Variants in MRPL27 observed in about 807,000 individuals in gnomAD.
MRPL27 encodes the protein large ribosomal subunit protein bL27m.
A neutral mutation model predicts 14.6 loss-of-function variants in MRPL27; 4 were observed. The ratio of observed to expected loss-of-function variants is 0.27; its 90% CI spans 0.14 to 0.63. MRPL27 has a LOEUF of 0.63. Among genes scored for constraint, MRPL27 ranks in the 20% least tolerant of loss-of-function variants. The pLI is 0.85. For missense variants in MRPL27, 196 were observed against 192.8 expected (o/e 1.02, Z -0.10); for synonymous variants, 82 against 75.5 (o/e 1.09, Z -0.45).
At chr17:50,370,235 C>G (rs1913090718) in intron 2 of MRPL27, 136 bp from the exon 3 acceptor site, 1 of 1,136,650 alleles carries the variant, frequency 8.8e-7, no homozygotes, top group Admixed American at 2.4e-5. Flanking sequence ...ACAAGCAGCG[C>G]AGGATCTGCC....
At position 50,372,927 on chromosome 17, in the gene MRPL27, G is replaced by C. The variant is rs965024380; in HGVS notation, c.40+204C>G. 3 of 659,738 alleles carry C rather than the reference G, an allele frequency of 4.5e-6. No homozygotes were observed. The South Asian group carries it at 5.8e-5, about 13-fold the overall frequency. 40.9% of individuals were successfully genotyped at this position (659,738 alleles called of 1,614,324 possible). On this transcript the variant is annotated intron_variant, in intron 1 of 3. Transcript: ENST00000225969. ...TGCTGCTGAGGCAGGAGAAAGACAA[G>C]TGCTCTTCAAACGCCCTCACTCACG...
chr17:50,369,739 A>G (rs1913070355), intron 3 of MRPL27: 1 of 452,878 alleles, frequency 2.2e-6, no homozygotes, highest in Non-Finnish European at 3.9e-6. Flanking sequence ...AAGGAGAACC[A>G]AGAATACCAG....
Position 50,368,058 on chromosome 17 carries a change from G to C in MRPL27, c.*34C>G. Reference sequence around the variant, plus strand: ...GGTATCACCATCTCCTGTCACCTGGGCTCCAGTCTCTGTCCGATGGCCTCA... The same window carrying C: ...GGTATCACCATCTCCTGTCACCTGGCCTCCAGTCTCTGTCCGATGGCCTCA... On this transcript the variant is annotated 3_prime_UTR_variant, in exon 4 of 4. Transcript: ENST00000225969. 2 of 1,610,498 alleles carry C rather than the reference G, an allele frequency of 1.2e-6. No homozygotes were observed. Among genetic ancestry groups the C allele is most frequent in the Non-Finnish European group, 1.7e-6 (2 of 1,177,104 alleles).
At position 50,372,327 on chromosome 17, in the gene MRPL27, C is replaced by T. The variant is rs530370591; in HGVS notation, c.40+804G>A. Among the ~76,000 whole-genome samples, 4 of 152,106 alleles carry T rather than the reference C, an allele frequency of 2.6e-5. No homozygotes were observed. In the East Asian group the frequency reaches 7.7e-4, roughly 29 times the overall value. On this transcript the variant is annotated intron_variant, in intron 1 of 3. Coordinates refer to ENST00000225969, the MANE Select transcript of MRPL27 (RefSeq NM_016504.3). Reference sequence around the variant, plus strand: ...GTGGTATGAACATAGCTCACTGCAACCTCGACCTCCCGAGCTCAGGTGATC... The same window carrying T: ...GTGGTATGAACATAGCTCACTGCAATCTCGACCTCCCGAGCTCAGGTGATC...
intron 3 of MRPL27, chr17:50,368,918 C>T: frequency 1.4e-6 from 1 of 690,266 alleles, no homozygotes. Flanking sequence ...GTTGTATATA[C>T]AGTTTTTAAC....
At chr17:50,368,946 T>G in intron 3 of MRPL27, 1 of 688,788 alleles carries the variant, frequency 1.5e-6, no homozygotes, top group Non-Finnish European at 2.6e-6. Flanking sequence ...TTTAGCTTTT[T>G]CTTTTAGAAC....
chr17:50,368,962 G>A, intron 3 of MRPL27: 1 of 677,288 alleles, frequency 1.5e-6, no homozygotes, highest in Non-Finnish European at 2.7e-6. Flanking sequence ...AGAACTTCAG[G>A]CTGGGTGTGT....
chr17:50,372,002 T>C (rs376018823), intron 1 of MRPL27, among the ~76,000 whole-genome samples: 1 of 152,218 alleles, frequency 6.6e-6, no homozygotes, highest in Non-Finnish European at 1.5e-5. Context: ...GCAAGCTCTG[T>C]GGATGCTAAC....
rs1317865412 is a variant in MRPL27 at position 50,370,690 on chromosome 17, CTG to C, written c.41-106_41-105del. The C allele has an allele frequency of 2.0e-6, 3 of 1,516,258 alleles. No individual in the cohort carries two copies. The East Asian group carries it at 6.9e-5, about 35-fold the overall frequency. 93.9% of individuals were successfully genotyped at this position (1,516,258 alleles called of 1,614,324 possible). ...GAGAGGCGGTGGGGAGATGAGAAAG[CTG>C]TGTCAGGGGAGCAGAAGTGCCACTG... is the stretch of plus-strand genomic sequence containing the variant. On this transcript the variant is annotated intron_variant, in intron 1 of 3. Transcript: ENST00000225969.
rs751840731 is a variant in MRPL27, at chr17:50,370,142, A to G, written c.173-43T>C. On this transcript the variant is annotated intron_variant, in intron 2 of 3. Coordinates refer to ENST00000225969, the MANE Select transcript of MRPL27 (RefSeq NM_016504.3). The stretch of plus-strand genomic sequence containing the variant: ...AGTGACTGGGGCAGCATAGCAAACT[A>G]CCAAGAAAACATGATGGCCCAAATG... 6.4e-6 allele frequency: 10 copies of G among 1,560,074 alleles called. No homozygotes were observed. The South Asian group carries it at 1.0e-4, about 16-fold the overall frequency.
intron 3 of MRPL27, chr17:50,368,896 A>T (rs1913043788): frequency 1.4e-6 from 1 of 701,994 alleles, no homozygotes; most frequent in Non-Finnish European, 2.6e-6. Flanking sequence ...TGAAGCAGAG[A>T]GATTAAACTG....
intron 1 of MRPL27, chr17:50,372,814 A>AT (rs148262545): frequency 0.023 from 9,566 of 415,164 alleles, 842 homozygotes; most frequent in African/African-American, 0.18. Context: ...CAATAGATTA[A>AT]TTTTTTCAAC....
intron 1 of MRPL27, among the ~76,000 whole-genome samples, chr17:50,372,326 A>G (rs4793652): frequency 1 from 151,712 of 151,712 alleles, 75,856 homozygotes; most frequent in Non-Finnish European, 1. Context: ...GCTCACTGCA[A>G]CCTCGACCTC....
chr17:50,372,002 T>G (rs376018823), intron 1 of MRPL27, among the ~76,000 whole-genome samples: 35 of 152,336 alleles, frequency 2.3e-4, no homozygotes, highest in African/African-American at 8.4e-4. Context: ...GCAAGCTCTG[T>G]GGATGCTAAC....
rs563856169 is a variant in MRPL27, at chr17:50,368,849, G to C, written c.241-551C>G. Reference sequence around the variant, plus strand: ...CATTTAATTCTCACCTAGTGAAAGAGGTATTATTTCCAACGCCACTTTTCA... The same window carrying C: ...CATTTAATTCTCACCTAGTGAAAGACGTATTATTTCCAACGCCACTTTTCA... On this transcript the variant is annotated intron_variant, in intron 3 of 3. Transcript: ENST00000225969. 1.6e-4 allele frequency: 111 copies of C among 702,348 alleles called. No homozygotes were observed. In the South Asian group the frequency reaches 1.6e-3, roughly 10 times the overall value. The allele number at this position is 702,348 out of a possible 1,614,324, so 43.5% of individuals were successfully genotyped here. A position where few individuals can be genotyped will look rare whatever the true frequency, so the allele number is the denominator to read the frequency against.
At chr17:50,369,218 CAAA>C in intron 3 of MRPL27, 1 of 245,646 alleles carries the variant, frequency 4.1e-6, no homozygotes, top group Non-Finnish European at 7.8e-6. Context: ...CTGTCTAGCT[CAAA>C]ATGTGTTAGC....
rs1384578497 is a variant in MRPL27, at chr17:50,368,192, A to G, written c.347T>C (p.Leu116Pro). 1.2e-6 allele frequency: 2 copies of G among 1,614,258 alleles called. No homozygotes were observed. Among genetic ancestry groups the G allele is most frequent in the Admixed American group, 3.3e-5 (2 of 60,028 alleles). Residue 116 changes from leucine to proline, a missense_variant, in exon 4 of 4, where the codon CTG becomes CCG. Leu to Pro is a moderately conservative substitution (Grantham distance 98). Transcript: ENST00000225969. The part of the protein sequence containing the change: ...PHPRNTEAVD[L>P]ITRLPKGAVL... ...AGCACCCTTGGGCAGCCTGGTGATC[A>G]GATCCACAGCCTCCGTGTTTCTGGG...
At chr17:50,370,761 TC>T in intron 1 of MRPL27, 175 bp from the exon 2 acceptor site, 9 of 683,564 alleles carry the variant, frequency 1.3e-5, no homozygotes, top group South Asian at 4.2e-5. Context: ...CTTGGCTTTC[TC>T]CTTTTGGGGG....
In MRPL27 at chr17:50,373,174, T is replaced by C. The variant is rs763754044; in HGVS notation, c.-4A>G. On this transcript the variant is annotated 5_prime_UTR_variant, in exon 1 of 4. Coordinates refer to ENST00000225969, the MANE Select transcript of MRPL27 (RefSeq NM_016504.3). ...GCGCCAACACCACCGACGCCATGCT[T>C]TCGATCACTCACTTCCGGTCTCGAA... The C allele has an allele frequency of 4.4e-5, 71 of 1,610,016 alleles. No homozygotes were observed. In the African/African-American group the frequency reaches 7.9e-4, roughly 18 times the overall value.
Sources: gnomAD v4.1 joint callset for allele counts (sites outside exome capture counted in the v4.1 genomes callset) on GRCh38, gnomAD v4.1.1 for gene constraint, MANE v1.5 for transcripts, NCBI Gene and HGNC (gene_info 2026-07-23, HGNC 2026-07-21) for gene names.